The following MAP3K13 variants were observed in gnomAD, a reference collection of about 807,000 sequenced individuals.
MAP3K13 encodes the protein leucine zipper-bearing kinase.
MAP3K13 carries 52 observed loss-of-function variants against 104.0 expected under a neutral mutation model. The ratio of observed to expected loss-of-function variants is 0.50; its 90% confidence interval spans 0.40 to 0.63. The LOEUF (loss-of-function observed/expected upper bound fraction) is 0.63, where lower values mean the gene tolerates loss of function less well. Among genes scored for constraint, MAP3K13 ranks in the 20% least tolerant of loss-of-function variants. The pLI is 0.00. For missense variants in MAP3K13, 914 were observed against 1,218.5 expected, an observed-to-expected ratio of 0.75 and a Z score of 3.72; for synonymous variants, 394 against 442.2, an observed-to-expected ratio of 0.89 and a Z score of 1.37.
At chr3:185,466,450 C>T (rs1244667424) in intron 9 of MAP3K13, among the ~76,000 whole-genome samples, 1 of 142,142 alleles carries the variant, frequency 7.0e-6, no homozygotes, top group African/African-American at 2.6e-5. Context: ...GATCTCAGCT[C>T]ACTGCAACCT....
At chr3:185,308,009 CTT>C (rs33949195) in intron 2 of MAP3K13, among the ~76,000 whole-genome samples, 3 of 31,574 alleles carry the variant, frequency 9.5e-5, no homozygotes, top group African/African-American at 1.2e-4. Context: ...TCTTTGGGGT[CTT>C]TTTTTTTTTT....
At chr3:185,409,095 T>C (rs9811387) in intron 1 of MAP3K13, among the ~76,000 whole-genome samples, 36,687 of 152,206 alleles carry the variant, frequency 0.24, 5,172 homozygotes, top group African/African-American at 0.39. Flanking sequence ...AGGCCAGGCC[T>C]GGTGGCTCAT....
intron 2 of MAP3K13, among the ~76,000 whole-genome samples, chr3:185,304,234 C>T (rs1056395822): frequency 1.3e-5 from 2 of 152,162 alleles, no homozygotes; most frequent in African/African-American, 4.8e-5. Context: ...TGTGGCCTAA[C>T]GTGTTATCTG....
At chr3:185,409,597 T>C (rs1020018253) in intron 1 of MAP3K13, among the ~76,000 whole-genome samples, 4 of 151,952 alleles carry the variant, frequency 2.6e-5, no homozygotes, top group Non-Finnish European at 5.9e-5. Context: ...AAAACACACA[T>C]AGAACTGCCA....
chr3:185,395,041 C>CT (rs958966995), intron 1 of MAP3K13, among the ~76,000 whole-genome samples: 9 of 151,950 alleles, frequency 5.9e-5, no homozygotes, highest in Admixed American at 3.3e-4. Context: ...CAAAATATGT[C>CT]TTTTTTTGAA....
At position 185,482,269 on chromosome 3, in the gene MAP3K13, C is replaced by A; in HGVS notation, c.2800-86C>A. 4 of 950,600 alleles carry A rather than the reference C, an allele frequency of 4.2e-6. No individual in the cohort carries two copies. Among genetic ancestry groups the A allele is most frequent in the Non-Finnish European group, 6.8e-6 (4 of 585,206 alleles). The allele number at this position is 950,600 out of a possible 1,614,324, so 58.9% of individuals were successfully genotyped here. On this transcript the variant is annotated intron_variant, in intron 13 of 13. Coordinates refer to ENST00000265026, the MANE Select transcript of MAP3K13 (RefSeq NM_004721.5). The surrounding 1 kb of genome is among the most constrained non-coding windows in gnomAD (Gnocchi z 4.5). ...TTACCTTTGTAGCCCCCTTACCAAG[C>A]ACAGTGCCTGTTGTGTGGGAGGTGT...
At chr3:185,451,448 A>G (rs769018422) in intron 7 of MAP3K13, 53 bp downstream of exon 7, 8 of 1,197,420 alleles carry the variant, frequency 6.7e-6, no homozygotes, top group Non-Finnish European at 8.7e-6. Flanking sequence ...AGAACTCTCA[A>G]TGAAACAGAG....
chr3:185,313,352 C>T (rs1721562199), intron 2 of MAP3K13, among the ~76,000 whole-genome samples: 1 of 148,926 alleles, frequency 6.7e-6, no homozygotes, highest in African/African-American at 2.5e-5. Context: ...TCACTGCAAC[C>T]TTTGCCTCCT....
intron 7 of MAP3K13, among the ~76,000 whole-genome samples, chr3:185,453,856 T>TACATATATATG (rs1354066779): frequency 2.4e-4 from 1 of 4,252 alleles, no homozygotes; most frequent in African/African-American, 4.0e-4. Context: ...ATATATGAGA[T>TACATATATATG]ATATATATAT....
At chr3:185,400,905 G>GTTT (rs71164506) in intron 1 of MAP3K13, among the ~76,000 whole-genome samples, 328 of 107,110 alleles carry the variant, frequency 3.1e-3, no homozygotes, top group African/African-American at 6.4e-3. Flanking sequence ...GTGTTTGTTT[G>GTTT]TTTTTTTTTT....
At chr3:185,358,804 T>C (rs1027181165), upstream of MAP3K13, among the ~76,000 whole-genome samples, 2 of 152,218 alleles carry the variant, frequency 1.3e-5, no homozygotes, top group African/African-American at 4.8e-5. Context: ...TTTTCCAGAT[T>C]AATTCACATC....
rs777001779 is a variant in MAP3K13 at position 185,466,855 on chromosome 3, C to T, written c.1535C>T (p.Pro512Leu). ...KREQAVEKKYPGTYKRHPVRP... is the reference protein window; with the variant it reads ...KREQAVEKKYLGTYKRHPVRP... The stretch of plus-strand genomic sequence containing the variant: ...GAGCAAGCAGTGGAAAAGAAGTATC[C>T]TGGGACCTACAAACGACACCCTGTT... Residue 512 changes from proline (P) to leucine (L), a missense_variant, in exon 10 of 14, where the codon CCT becomes CTT. By Grantham distance (98) the Pro-to-Leu change is moderately conservative. Around this residue, in one of 3 missense-constraint regions of MAP3K13, gnomAD observed 583 missense variants for 737.4 expected, o/e 0.79. Transcript: ENST00000265026. 1 of 1,613,984 alleles carries T rather than the reference C, an allele frequency of 6.2e-7. No homozygotes were observed. The highest frequency in any genetic ancestry group is 2.2e-5 in the East Asian group (1 of 44,886).
intron 2 of MAP3K13, among the ~76,000 whole-genome samples, chr3:185,436,513 T>C (rs1715036114): frequency 6.6e-6 from 1 of 152,216 alleles, no homozygotes; most frequent in Non-Finnish European, 1.5e-5. Context: ...AGAATTTACT[T>C]AACCACCCTA....
chr3:185,330,450 C>A (rs539001681), intron 2 of MAP3K13, among the ~76,000 whole-genome samples: 1 of 152,170 alleles, frequency 6.6e-6, no homozygotes, highest in South Asian at 2.1e-4. Flanking sequence ...AAAACCTTAA[C>A]TCACCCTCTA....
intron 1 of MAP3K13, among the ~76,000 whole-genome samples, chr3:185,396,396 A>G (rs1015770507): frequency 1.3e-5 from 2 of 152,146 alleles, no homozygotes; most frequent in African/African-American, 4.8e-5. Flanking sequence ...ATAATTAAAA[A>G]TAGGTACATC....
chr3:185,363,269 C>T lies in MAP3K13; in HGVS notation c.-185C>T. On this transcript the variant is annotated 5_prime_UTR_variant, in exon 1 of 14. Coordinates refer to ENST00000265026, the MANE Select transcript of MAP3K13 (RefSeq NM_004721.5). The stretch of plus-strand genomic sequence containing the variant: ...GGAGGATTGTGTGGGTGGAATCCCC[C>T]TCCCCTTTATTTTTCCAATTCTGCA... 2 of 985,366 alleles carry T rather than the reference C, an allele frequency of 2.0e-6. No homozygotes were observed. The highest frequency in any genetic ancestry group is 2.4e-6 in the Non-Finnish European group (2 of 829,906). The allele number at this position is 985,366 out of a possible 1,614,324, so 61.0% of individuals were successfully genotyped here.
chr3:185,478,052 G>A (rs192799601), intron 12 of MAP3K13, among the ~76,000 whole-genome samples: 64 of 152,240 alleles, frequency 4.2e-4, no homozygotes, highest in Non-Finnish European at 7.8e-4. Flanking sequence ...AGCTTCAACC[G>A]ATGGATTTGG....
chr3:185,485,204 C>A lies in MAP3K13; in HGVS notation c.*2748C>A, dbSNP rs576504078. 4.6e-5 allele frequency: 7 copies of A among 152,298 alleles called. No homozygotes were observed. The highest frequency in any genetic ancestry group is 7.4e-5 in the Non-Finnish European group (5 of 68,022). 9.4% of individuals were successfully genotyped at this position (152,298 alleles called of 1,614,324 possible). On this transcript the variant is annotated 3_prime_UTR_variant, in exon 14 of 14. Transcript: ENST00000265026. Reference sequence around the variant, plus strand: ...GATTTAATGTCCTGAGAGGAACAGACCTAGAGGGTTTCCGCACAGGGCTCA... The same window carrying A: ...GATTTAATGTCCTGAGAGGAACAGAACTAGAGGGTTTCCGCACAGGGCTCA...
chr3:185,467,299 C>T (rs1365581809), intron 10 of MAP3K13, among the ~76,000 whole-genome samples: 1 of 152,146 alleles, frequency 6.6e-6, no homozygotes, highest in Non-Finnish European at 1.5e-5. Flanking sequence ...TAAAATGGTA[C>T]AATTACAGCA....
Sources: gnomAD v4.1 joint callset for allele counts (sites outside exome capture counted in the v4.1 genomes callset) on GRCh38, gnomAD v4.1.1 for gene constraint, gnomAD v4.1.1 regional missense constraint, Gnocchi (gnomAD v3.1) non-coding constraint, MANE v1.5 for transcripts, NCBI Gene and HGNC (gene_info 2026-07-23, HGNC 2026-07-21) for gene names.